Variants in SORBS2 observed in about 807,000 individuals in gnomAD.
SORBS2 encodes sorbin and SH3 domain containing 2, also known as sorbin and SH3 domain-containing protein 2.
A neutral mutation model predicts 97.7 loss-of-function variants in SORBS2; 46 were observed. The ratio of observed to expected loss-of-function variants is 0.47; its 90% CI spans 0.37 to 0.60. SORBS2 has a LOEUF of 0.60. SORBS2 is among the 20% of genes least tolerant of loss of function. The probability of loss-of-function intolerance (pLI) is 0.00; values close to 1 mark genes in which losing one functional copy is unlikely to be tolerated. For missense variants in SORBS2, 1,316 were observed against 1,282.3 expected, an observed-to-expected ratio of 1.03 and a Z score of -0.40; for synonymous variants, 476 against 473.4, an observed-to-expected ratio of 1.01 and a Z score of -0.07.
At chr4:185,647,601 C>T (rs2097233866) in intron 3 of SORBS2, among the ~76,000 whole-genome samples, 1 of 151,894 alleles carries the variant, frequency 6.6e-6, no homozygotes, top group African/African-American at 2.4e-5. Flanking sequence ...AATTCTGCTT[C>T]CATGGAATGG....
At chr4:185,842,737 C>A (rs2099212334) in intron 1 of SORBS2, among the ~76,000 whole-genome samples, 1 of 152,014 alleles carries the variant, frequency 6.6e-6, no homozygotes, top group African/African-American at 2.4e-5. Context: ...GAGATCGAGA[C>A]CATTTTGGCC....
intron 1 of SORBS2, among the ~76,000 whole-genome samples, chr4:185,905,178 C>T (rs1455529716): frequency 6.6e-6 from 1 of 152,024 alleles, no homozygotes; most frequent in Non-Finnish European, 1.5e-5. Context: ...TGTCTTACTC[C>T]AGTGGAGCAG....
chr4:185,907,404 G>A (rs1284766077), intron 1 of SORBS2, among the ~76,000 whole-genome samples: 1 of 152,214 alleles, frequency 6.6e-6, no homozygotes, highest in Non-Finnish European at 1.5e-5. Context: ...TTAGAGCTAT[G>A]AGGTAGAAAA....
At chr4:185,813,790 C>T (rs545413686) in intron 1 of SORBS2, among the ~76,000 whole-genome samples, 5 of 152,288 alleles carry the variant, frequency 3.3e-5, no homozygotes, top group Non-Finnish European at 2.9e-5. Context: ...GGGGTCTGAG[C>T]GACCTCTTCT....
chr4:185,762,532 T>C (rs1400352981), intron 2 of SORBS2, among the ~76,000 whole-genome samples: 1 of 149,628 alleles, frequency 6.7e-6, no homozygotes, highest in Non-Finnish European at 1.5e-5. Context: ...ATTCAGAAGA[T>C]GTAATCAGAG....
intron 2 of SORBS2, among the ~76,000 whole-genome samples, chr4:185,724,406 A>G (rs2098540957): frequency 6.6e-6 from 1 of 151,870 alleles, no homozygotes; most frequent in East Asian, 1.9e-4. Flanking sequence ...TTAATCTAGT[A>G]TTTTCTAGAG....
intron 12 of SORBS2, among the ~76,000 whole-genome samples, chr4:185,610,170 G>A (rs2096510503): frequency 6.6e-6 from 1 of 152,158 alleles, no homozygotes; most frequent in Admixed American, 6.5e-5. Flanking sequence ...AGGACATATG[G>A]AAGAATTTGT....
intron 1 of SORBS2, among the ~76,000 whole-genome samples, chr4:185,826,685 A>C (rs1481427760): frequency 6.6e-6 from 1 of 152,194 alleles, no homozygotes; most frequent in Non-Finnish European, 1.5e-5. Context: ...AGGCCAATGA[A>C]ATCACACTAA....
chr4:185,887,196 A>T (rs1579329129), intron 1 of SORBS2, among the ~76,000 whole-genome samples: 2 of 152,232 alleles, frequency 1.3e-5, no homozygotes, highest in Admixed American at 6.5e-5. Context: ...CCACCTACAT[A>T]GGCGCTCACA....
At chr4:185,591,414 A>G (rs966157856) in intron 13 of SORBS2, among the ~76,000 whole-genome samples, 1 of 152,188 alleles carries the variant, frequency 6.6e-6, no homozygotes, top group Non-Finnish European at 1.5e-5. Flanking sequence ...AGCATCCCAG[A>G]GTAGTGGCCA....
intron 2 of SORBS2, among the ~76,000 whole-genome samples, chr4:185,714,909 A>G (rs1334009284): frequency 6.6e-6 from 1 of 152,204 alleles, no homozygotes; most frequent in Non-Finnish European, 1.5e-5. Flanking sequence ...CAGGCATGCT[A>G]CCTAAACCTC....
chr4:185,907,077 A>G (rs1309631124), intron 1 of SORBS2, among the ~76,000 whole-genome samples: 1 of 151,806 alleles, frequency 6.6e-6, no homozygotes, highest in Non-Finnish European at 1.5e-5. Context: ...CAGAGGTTGC[A>G]GTGAGCTGAG....
At chr4:185,664,035 T>C (rs1391127020) in intron 4 of SORBS2, among the ~76,000 whole-genome samples, 1 of 151,698 alleles carries the variant, frequency 6.6e-6, no homozygotes, top group Non-Finnish European at 1.5e-5. Context: ...TTTGTATTTT[T>C]AGTAGAGACG....
intron 1 of SORBS2, among the ~76,000 whole-genome samples, chr4:185,911,274 C>T (rs896343866): frequency 6.6e-6 from 1 of 152,176 alleles, no homozygotes; most frequent in Non-Finnish European, 1.5e-5. Flanking sequence ...GTCACCCAGG[C>T]TGGAGTGCAG....
At chr4:185,754,365 T>A (rs2098818483) in intron 2 of SORBS2, among the ~76,000 whole-genome samples, 1 of 152,024 alleles carries the variant, frequency 6.6e-6, no homozygotes, top group Admixed American at 6.6e-5. Context: ...ATTACCTGGG[T>A]CATGAAATAA....
Position 185,879,135 on chromosome 4 carries a change from T to TA in SORBS2, c.-338+77060dup, listed in dbSNP as rs1332592745. 8.3e-4 allele frequency among the ~76,000 whole-genome samples: 121 copies of TA among 146,406 alleles called. 2 individuals are homozygous for TA. The highest frequency in any genetic ancestry group is 2.7e-3 in the African/African-American group (107 of 39,120). On this transcript the variant is annotated intron_variant, in intron 1 of 20. Transcript: ENST00000284776. Reference sequence around the variant, plus strand: ...GTGCTGCACCCATTAACTCGCCATTTACATTAGGTATATCTCCTAATGCTA... The same window carrying TA: ...GTGCTGCACCCATTAACTCGCCATTTAACATTAGGTATATCTCCTAATGCTA...
In SORBS2 at chr4:185,780,531, C is replaced by T. The variant is rs114641902; in HGVS notation, c.-337-5165G>A. Among the ~76,000 whole-genome samples the T allele has an allele frequency of 5.3e-3, 805 of 152,084 alleles. 5 individuals carry two copies. The highest frequency in any genetic ancestry group is 0.014 in the African/African-American group (567 of 41,494). On this transcript the variant is annotated intron_variant, in intron 1 of 20. Transcript: ENST00000284776. ...ATACATTGAGTGACTTTAGACCAGTCATGCAAGCTCCCTACACTTGTGTCC... is the reference window on the plus strand; with the variant it reads ...ATACATTGAGTGACTTTAGACCAGTTATGCAAGCTCCCTACACTTGTGTCC...
intron 2 of SORBS2, among the ~76,000 whole-genome samples, chr4:185,681,869 T>G (rs79953023): frequency 0.18 from 27,950 of 152,156 alleles, 3,170 homozygotes; most frequent in South Asian, 0.35. Flanking sequence ...CACATCGTAA[T>G]CTCTACTCTC....
upstream of SORBS2, among the ~76,000 whole-genome samples, chr4:185,659,687 C>T (rs564666227): frequency 1.3e-5 from 2 of 152,270 alleles, no homozygotes; most frequent in African/African-American, 4.8e-5. Context: ...TTCCAAAGTG[C>T]TGGGATTACA....
Sources: allele counts gnomAD v4.1 joint callset (sites outside exome capture counted in the v4.1 genomes callset), GRCh38; gene constraint gnomAD v4.1.1; transcripts MANE v1.5; gene names NCBI Gene and HGNC (gene_info 2026-07-23, HGNC 2026-07-21).